The following ALKBH3 variants were observed in gnomAD, a reference collection of about 807,000 sequenced individuals.
ALKBH3 encodes the protein alkB homolog 3, alpha-ketoglutarate dependent dioxygenase.
ALKBH3 carries 51 observed loss-of-function variants against 43.9 expected under a neutral mutation model. That is an observed-to-expected ratio of 1.16 (90% CI 0.93 to 1.47). ALKBH3 has a LOEUF of 1.47. Among genes scored for constraint, ALKBH3 ranks in the 40% most tolerant of loss-of-function variants. ALKBH3 has a pLI of 0.00. For synonymous variants in ALKBH3, 102 were observed against 115.2 expected (o/e 0.89, Z 0.73); for missense variants, 361 against 351.9 (o/e 1.03, Z -0.21).
At chr11:43,894,713 A>G in intron 7 of ALKBH3, among the ~76,000 whole-genome samples, 1 of 152,206 alleles carries the variant, frequency 6.6e-6, no homozygotes, top group Non-Finnish European at 1.5e-5. Context: ...GTGTAATTCT[A>G]GCATCTGATC....
intron 6 of ALKBH3, 27 bp from the exon 7 acceptor site, chr11:43,892,014 T>C: frequency 6.4e-7 from 1 of 1,568,614 alleles, no homozygotes; most frequent in Non-Finnish European, 8.8e-7. Context: ...ATTAAACCAT[T>C]TCAAAGGCCT....
chr11:43,892,481 T>C (rs1322964368), intron 7 of ALKBH3, among the ~76,000 whole-genome samples: 1 of 152,228 alleles, frequency 6.6e-6, no homozygotes, highest in Non-Finnish European at 1.5e-5. Flanking sequence ...GAGGTCAATA[T>C]GCCTTTTTCT....
chr11:43,915,075 G>T (rs1951972734), intron 8 of ALKBH3, among the ~76,000 whole-genome samples: 1 of 151,984 alleles, frequency 6.6e-6, no homozygotes, highest in African/African-American at 2.4e-5. Flanking sequence ...AGGCATGGTG[G>T]CAGGCACCTG....
rs145963061 is a variant in ALKBH3, at chr11:43,901,600, C to T, written c.544C>T (p.Arg182Cys). Residue 182 changes from arginine to cysteine, a missense_variant, in exon 8 of 10, where the codon CGC (arginine) becomes TGC (cysteine). Arg to Cys is a radical substitution (Grantham distance 180). Transcript: ENST00000302708. ...TFNSLLCNLY[R>C]NEKDSVDWHS... ...CAACTCCTTACTCTGCAATCTTTAT[C>T]GCAATGAGAAGGACAGCGTGGACTG... 50 of 1,614,134 alleles carry T rather than the reference C, an allele frequency of 3.1e-5. No homozygotes were observed. In the African/African-American group the frequency reaches 3.3e-4, roughly 11 times the overall value.
chr11:43,907,308 G>A (rs11037732), intron 8 of ALKBH3, among the ~76,000 whole-genome samples: 26,343 of 152,052 alleles, frequency 0.17, 2,661 homozygotes, highest in South Asian at 0.33. Flanking sequence ...TCCCTTAGGA[G>A]TTGGAGTCCT....
intron 6 of ALKBH3, among the ~76,000 whole-genome samples, chr11:43,891,667 G>A (rs1199953589): frequency 1.3e-5 from 2 of 151,516 alleles, no homozygotes; most frequent in Non-Finnish European, 2.9e-5. Flanking sequence ...ATGGATGTTG[G>A]TGCCACAAAT....
chr11:43,915,905 T>G (rs549106890), intron 8 of ALKBH3, among the ~76,000 whole-genome samples: 2 of 152,236 alleles, frequency 1.3e-5, no homozygotes, highest in African/African-American at 4.8e-5. Flanking sequence ...GCACTGAGAA[T>G]GTTTCTTAAC....
chr11:43,907,653 G>T (rs1951905279), intron 8 of ALKBH3, among the ~76,000 whole-genome samples: 1 of 152,070 alleles, frequency 6.6e-6, no homozygotes, highest in South Asian at 2.1e-4. Context: ...ATGGAGGATG[G>T]CTGTCTCACC....
At position 43,899,376 on chromosome 11, in the gene ALKBH3, A is replaced by T. The variant is rs981353853; in HGVS notation, c.460-2140A>T. 39 of 701,742 alleles carry T rather than the reference A, an allele frequency of 5.6e-5. No homozygotes were observed. In the African/African-American group the frequency reaches 6.7e-4, roughly 12 times the overall value. 43.5% of individuals were successfully genotyped at this position (701,742 alleles called of 1,614,324 possible). On this transcript the variant is annotated intron_variant, in intron 7 of 9. Coordinates refer to ENST00000302708, the MANE Select transcript of ALKBH3 (RefSeq NM_139178.4). ...ATCAGCAGCCTGCCCCAGGTGGATGATGTGCTCGCGTCCCTGCAGATCTCT... is the reference window on the plus strand; with the variant it reads ...ATCAGCAGCCTGCCCCAGGTGGATGTTGTGCTCGCGTCCCTGCAGATCTCT...
At chr11:43,884,185 A>G (rs1180334070) in intron 4 of ALKBH3, among the ~76,000 whole-genome samples, 168 bp downstream of exon 4, 3 of 152,170 alleles carry the variant, frequency 2.0e-5, no homozygotes, top group Non-Finnish European at 2.9e-5. Context: ...TTTTGAGAAG[A>G]CTTTCTGAAT....
intron 7 of ALKBH3, among the ~76,000 whole-genome samples, chr11:43,900,412 C>T (rs1951854658): frequency 6.6e-6 from 1 of 151,546 alleles, no homozygotes; most frequent in African/African-American, 2.4e-5. Context: ...TTAGTAGAGA[C>T]AGGGTTTCAC....
intron 7 of ALKBH3, among the ~76,000 whole-genome samples, chr11:43,896,427 G>A (rs561269159): frequency 3.9e-5 from 6 of 152,258 alleles, no homozygotes; most frequent in South Asian, 2.1e-4. Flanking sequence ...CTTGGAGTCC[G>A]ATGTTTGAGG....
intron 8 of ALKBH3, among the ~76,000 whole-genome samples, chr11:43,915,123 G>T (rs182084691): frequency 6.6e-6 from 1 of 151,190 alleles, no homozygotes; most frequent in Admixed American, 6.6e-5. Context: ...CACAAGAATC[G>T]CTTGAACCCA....
intron 7 of ALKBH3, among the ~76,000 whole-genome samples, chr11:43,892,695 G>C (rs576610692): frequency 2.0e-5 from 3 of 152,228 alleles, no homozygotes; most frequent in Non-Finnish European, 4.4e-5. Flanking sequence ...AGGGGATAGA[G>C]TTAAGGTCCA....
chr11:43,901,772 G>C (rs1369327484), intron 8 of ALKBH3, 47 bp downstream of exon 8: 21 of 1,594,924 alleles, frequency 1.3e-5, no homozygotes, highest in African/African-American at 4.0e-5. Flanking sequence ...TTATTAGTCT[G>C]TGGAAAAAGT....
At chr11:43,893,524 T>C (rs1483733533) in intron 7 of ALKBH3, among the ~76,000 whole-genome samples, 1 of 152,136 alleles carries the variant, frequency 6.6e-6, no homozygotes, top group Non-Finnish European at 1.5e-5. Context: ...TTATTGAAAA[T>C]TTAGAAACTG....
At chr11:43,898,149 T>C (rs1781262199) in intron 7 of ALKBH3, 1 of 1,210,618 alleles carries the variant, frequency 8.3e-7, no homozygotes, top group Non-Finnish European at 1.2e-6. Flanking sequence ...ACAAACTAGA[T>C]GCTGACTACA....
At chr11:43,887,785 G>GTT (rs71449862) in intron 5 of ALKBH3, among the ~76,000 whole-genome samples, 50 of 149,750 alleles carry the variant, frequency 3.3e-4, no homozygotes, top group Non-Finnish European at 5.9e-4. Flanking sequence ...TTCTTTTTTT[G>GTT]TTTTTTTTTG....
intron 8 of ALKBH3, among the ~76,000 whole-genome samples, chr11:43,916,109 A>G (rs912219577): frequency 1.3e-5 from 2 of 152,254 alleles, no homozygotes; most frequent in East Asian, 3.8e-4. Context: ...GAAAGGGATG[A>G]TTTTAAGAAA....
Sources: gnomAD v4.1 joint callset for allele counts (sites outside exome capture counted in the v4.1 genomes callset) on GRCh38, gnomAD v4.1.1 for gene constraint, MANE v1.5 for transcripts, NCBI Gene and HGNC (gene_info 2026-07-23, HGNC 2026-07-21) for gene names.